Variants in KDM2B observed in about 807,000 individuals in gnomAD.
The protein encoded by KDM2B is lysine demethylase 2B, also known as lysine-specific demethylase 2B.
A neutral mutation model predicts 150.0 loss-of-function variants in KDM2B; 26 were observed. The ratio of observed to expected loss-of-function variants is 0.17; its 90% CI spans 0.13 to 0.24. The LOEUF (loss-of-function observed/expected upper bound fraction) is 0.24, where lower values mean the gene tolerates loss of function less well. Ranked by LOEUF, KDM2B falls within the 10% of genes least tolerant of loss-of-function variation. KDM2B has a pLI of 1.00. For missense variants in KDM2B, 1,265 were observed against 1,816.9 expected (o/e 0.70, Z 5.52); for synonymous variants, 734 against 729.5 (o/e 1.01, Z -0.10).
chr12:121,417,475 G>A, the KDM2B span: 4 of 1,583,714 alleles, frequency 2.5e-6, no homozygotes, highest in Non-Finnish European at 3.4e-6. The surrounding 1 kb of genome is among the most constrained non-coding windows in gnomAD (Gnocchi z 5.0). Flanking sequence ...TTTATATCTT[G>A]CTGTCATCAA....
rs376110717 is a variant in KDM2B at position 121,577,494 on chromosome 12, CAACA to C, written c.271+1304_271+1307del. 3.2e-3 allele frequency among the ~76,000 whole-genome samples: 487 copies of C among 152,252 alleles called. 1 individual carries two copies. Among genetic ancestry groups the C allele is most frequent in the African/African-American group, 0.011 (453 of 41,554 alleles). On this transcript the variant is annotated intron_variant, in intron 2 of 22. Coordinates refer to ENST00000377071, the MANE Select transcript of KDM2B (RefSeq NM_032590.5). ...GGGAGAAATTTATTCTTCCCTCCCC[CAACA>C]AACACCCCTCACCACCGGAGCCCAG...
intron 4 of KDM2B, among the ~76,000 whole-genome samples, chr12:121,570,007 G>T (rs1194423024): frequency 6.6e-6 from 1 of 151,790 alleles, no homozygotes; most frequent in African/African-American, 2.4e-5. Flanking sequence ...ATGCCACCAA[G>T]CCCAGCTAAT....
At chr12:121,531,071 G>A (rs1555307739) in intron 8 of KDM2B, among the ~76,000 whole-genome samples, 1 of 152,086 alleles carries the variant, frequency 6.6e-6, no homozygotes, top group African/African-American at 2.4e-5. Context: ...CTGCAGAGTG[G>A]ATTGAGCACA....
At chr12:121,499,679 G>A (rs555213760) in intron 11 of KDM2B, among the ~76,000 whole-genome samples, 21 of 151,824 alleles carry the variant, frequency 1.4e-4, no homozygotes, top group Admixed American at 3.9e-4. Flanking sequence ...CAGGTGTGGT[G>A]GCTCACGCCT....
At chr12:121,488,934 G>A (rs1350221645) in intron 12 of KDM2B, among the ~76,000 whole-genome samples, 2 of 152,214 alleles carry the variant, frequency 1.3e-5, no homozygotes, top group Middle Eastern at 3.4e-3. Context: ...TGAGCCTCTC[G>A]AGTAGCTGGG....
At chr12:121,487,878 T>C (rs1555299201) in intron 12 of KDM2B, among the ~76,000 whole-genome samples, 1 of 150,392 alleles carries the variant, frequency 6.6e-6, no homozygotes, top group African/African-American at 2.5e-5. Context: ...GCCTCCCAGG[T>C]TCAAGTGATT....
rs140621642 is a variant in KDM2B, at chr12:121,561,693, T to C, written c.398-12055A>G. ...TTCTTCTGGGGGTCTATTGGAAGCATTGTGTTCTCCCAATCACTGAAAGTC... is the reference window on the plus strand; with the variant it reads ...TTCTTCTGGGGGTCTATTGGAAGCACTGTGTTCTCCCAATCACTGAAAGTC... On this transcript the variant is annotated intron_variant, in intron 4 of 22. Transcript: ENST00000377071. Among the ~76,000 whole-genome samples, 13 of 152,286 alleles carry C rather than the reference T, an allele frequency of 8.5e-5. No homozygotes were observed. In the East Asian group the frequency reaches 1.7e-3, roughly 20 times the overall value.
At chr12:121,579,630 C>G in intron 1 of KDM2B, 2 of 1,329,766 alleles carry the variant, frequency 1.5e-6, no homozygotes, top group Non-Finnish European at 2.0e-6. Flanking sequence ...GCCTCATCTC[C>G]CCACAAGCGC....
At position 121,435,567 on chromosome 12, in the gene KDM2B, T is replaced by C. The variant is rs566200899; in HGVS notation, c.3829+4290A>G. ...TTCAAGGAGCAGTAAGATGTCCAGA[T>C]TCCTTCCCCAGCAGAAGACTGGGGT... On this transcript the variant is annotated intron_variant, in intron 22 of 22. Transcript: ENST00000377071. Among the ~76,000 whole-genome samples, 5 of 152,194 alleles carry C rather than the reference T, an allele frequency of 3.3e-5. No homozygotes were observed. In the South Asian group the frequency reaches 6.2e-4, roughly 19 times the overall value.
At chr12:121,565,642 TG>T (rs1890647992) in intron 4 of KDM2B, among the ~76,000 whole-genome samples, 1 of 151,292 alleles carries the variant, frequency 6.6e-6, no homozygotes, top group East Asian at 2.0e-4. Context: ...TTCTTTTTTC[TG>T]AGATGGAGTC....
chr12:121,449,318 A>T (rs1258263809), intron 13 of KDM2B, among the ~76,000 whole-genome samples: 1 of 152,080 alleles, frequency 6.6e-6, no homozygotes, highest in African/African-American at 2.4e-5. Flanking sequence ...GGTCCAGAAA[A>T]GGAAGATAGG....
At chr12:121,411,349 T>TC in the KDM2B span, among the ~76,000 whole-genome samples, 3 of 151,448 alleles carry the variant, frequency 2.0e-5, no homozygotes, top group African/African-American at 7.3e-5. Flanking sequence ...GACAAAATTG[T>TC]CCCCCTCCAA....
rs1555311447 is a variant in KDM2B at position 121,549,751 on chromosome 12, C to T, written c.398-113G>A. On this transcript the variant is annotated intron_variant, in intron 4 of 22. Coordinates refer to ENST00000377071, the MANE Select transcript of KDM2B (RefSeq NM_032590.5). This position sits in a 1 kb window ranked among gnomAD's most constrained non-coding sequence, Gnocchi z 4.4. ...CCTCCACGTTTCCCCACAGTCCTCA[C>T]CCCTCTTCCTCATCTGTTCAATTAC... The T allele has an allele frequency of 1.1e-6, 1 of 921,314 alleles. No homozygotes were observed. The highest frequency in any genetic ancestry group is 2.7e-5 in the East Asian group (1 of 37,048). The allele number at this position is 921,314 out of a possible 1,614,324, so 57.1% of individuals were successfully genotyped here.
At chr12:121,529,746 A>G (rs1374017188) in intron 8 of KDM2B, among the ~76,000 whole-genome samples, 2 of 151,866 alleles carry the variant, frequency 1.3e-5, no homozygotes, top group African/African-American at 4.8e-5. Context: ...CCTGGACAAC[A>G]TGGCAAAACC....
At chr12:121,472,398 G>A (rs184932122) in intron 12 of KDM2B, among the ~76,000 whole-genome samples, 11 of 152,272 alleles carry the variant, frequency 7.2e-5, no homozygotes, top group Admixed American at 7.2e-4. Flanking sequence ...AGTGACAGTA[G>A]GACAGACCAG....
At chr12:121,480,067 G>A (rs781824087) in intron 12 of KDM2B, among the ~76,000 whole-genome samples, 1 of 151,982 alleles carries the variant, frequency 6.6e-6, no homozygotes, top group Non-Finnish European at 1.5e-5. Context: ...TTCAGGTGTC[G>A]CCCACCACAC....
intron 11 of KDM2B, among the ~76,000 whole-genome samples, chr12:121,505,007 C>T (rs1168848906): frequency 6.6e-6 from 1 of 151,708 alleles, no homozygotes; most frequent in East Asian, 1.9e-4. Context: ...GTCCCAGCTA[C>T]TCAGGAGGCT....
At chr12:121,448,250 G>A (rs1593776691) in intron 13 of KDM2B, among the ~76,000 whole-genome samples, 1 of 146,286 alleles carries the variant, frequency 6.8e-6, no homozygotes, top group East Asian at 2.0e-4. Flanking sequence ...AGCCCAGGAG[G>A]TAGAGGCTGC....
chr12:121,486,900 C>T (rs1882826016), intron 12 of KDM2B, among the ~76,000 whole-genome samples: 1 of 151,932 alleles, frequency 6.6e-6, no homozygotes, highest in South Asian at 2.1e-4. Flanking sequence ...TTAAGCCCAG[C>T]AGTGTGAGGC....
Sources: allele counts gnomAD v4.1 joint callset (sites outside exome capture counted in the v4.1 genomes callset), GRCh38; gene constraint gnomAD v4.1.1; non-coding constraint Gnocchi (gnomAD v3.1); transcripts MANE v1.5; gene names NCBI Gene and HGNC (gene_info 2026-07-23, HGNC 2026-07-21).